The following SCAPER variants were observed in gnomAD, a reference collection of about 807,000 sequenced individuals.
SCAPER encodes the protein S-phase cyclin A associated protein in the ER.
In SCAPER, 98 loss-of-function variants were observed where a neutral mutation model predicts 182.2. The ratio of observed to expected loss-of-function variants is 0.54; its 90% CI spans 0.46 to 0.64. SCAPER has a LOEUF of 0.64. SCAPER is among the 30% of genes least tolerant of loss of function. The probability of loss-of-function intolerance (pLI) is 0.00; values close to 1 mark genes in which losing one functional copy is unlikely to be tolerated. For missense variants in SCAPER, 1,432 were observed against 1,690.0 expected (o/e 0.85, Z 2.68); for synonymous variants, 605 against 564.6 (o/e 1.07, Z -1.01).
chr15:76,864,137 A>T (rs1268090572), intron 2 of SCAPER, among the ~76,000 whole-genome samples: 1 of 152,168 alleles, frequency 6.6e-6, no homozygotes, highest in Non-Finnish European at 1.5e-5. Flanking sequence ...CCTAACACAC[A>T]ATATACACAC....
chr15:76,680,187 G>T (rs984103361), intron 20 of SCAPER, among the ~76,000 whole-genome samples: 1 of 152,062 alleles, frequency 6.6e-6, no homozygotes, highest in Admixed American at 6.5e-5. Context: ...GGGCTTGAGG[G>T]TGTCAGCAGC....
intron 23 of SCAPER, among the ~76,000 whole-genome samples, chr15:76,564,845 G>C (rs1030575077): frequency 1.2e-4 from 19 of 152,034 alleles, no homozygotes; most frequent in African/African-American, 4.8e-5. Context: ...GAACAGAATA[G>C]AGAGCCCAGA....
intron 11 of SCAPER, among the ~76,000 whole-genome samples, chr15:76,765,904 A>G (rs953291304): frequency 7.9e-5 from 12 of 152,220 alleles, no homozygotes; most frequent in Non-Finnish European, 1.2e-4. Context: ...TTATCCTATT[A>G]CTACATAAAT....
At chr15:76,838,352 T>A (rs192432192) in intron 5 of SCAPER, among the ~76,000 whole-genome samples, 39 of 152,102 alleles carry the variant, frequency 2.6e-4, no homozygotes, top group African/African-American at 8.0e-4. Context: ...AAAGATTGAG[T>A]ACGCACAGAA....
intron 16 of SCAPER, among the ~76,000 whole-genome samples, chr15:76,730,170 T>C (rs2060834670): frequency 6.6e-6 from 1 of 152,138 alleles, no homozygotes; most frequent in South Asian, 2.1e-4. Context: ...AAGAGAGATT[T>C]GAACATTTCT....
chr15:76,752,658 G>C (rs919768063), intron 15 of SCAPER, among the ~76,000 whole-genome samples: 1 of 151,696 alleles, frequency 6.6e-6, no homozygotes, highest in Non-Finnish European at 1.5e-5. Context: ...CCATTTACAA[G>C]AGGTACTTAC....
chr15:76,615,864 G>A (rs1481827207), intron 22 of SCAPER, among the ~76,000 whole-genome samples: 6 of 148,360 alleles, frequency 4.0e-5, no homozygotes, highest in African/African-American at 5.0e-5. Context: ...AAAAGCACAC[G>A]AAAAGATGTC....
chr15:76,681,431 G>C (rs1227644692), intron 20 of SCAPER, among the ~76,000 whole-genome samples: 1 of 152,200 alleles, frequency 6.6e-6, no homozygotes, highest in Non-Finnish European at 1.5e-5. Context: ...TAAGACCAAA[G>C]GGGATACAAA....
Position 76,354,636 on chromosome 15 carries a change from T to A in SCAPER, c.3856-496A>T, listed in dbSNP as rs1300545075. The A allele has an allele frequency of 6.6e-6, 1 of 152,258 alleles. No individual in the cohort carries two copies. The highest frequency in any genetic ancestry group is 1.5e-5 in the Non-Finnish European group (1 of 68,106). 9.4% of individuals were successfully genotyped at this position (152,258 alleles called of 1,614,324 possible). Reference sequence around the variant, plus strand: ...GCAGGTCCAAGAAAGAAAAGGTAATTCTAAGGAAAATGGGAACAGTTTCAA... The same window carrying A: ...GCAGGTCCAAGAAAGAAAAGGTAATACTAAGGAAAATGGGAACAGTTTCAA... On this transcript the variant is annotated intron_variant, in intron 29 of 31. Transcript: ENST00000563290. This position sits in a 1 kb window ranked among gnomAD's most constrained non-coding sequence, Gnocchi z 4.4.
At position 76,765,063 on chromosome 15, in the gene SCAPER, T is replaced by C. The variant is rs1369317856; in HGVS notation, c.1623A>G (p.Ala541=). The change falls in exon 14 of 32, where the codon GCA becomes GCG. Residue 541 remains alanine (A), a synonymous_variant. Transcript: ENST00000563290. ...TTTCTTCATGTTTCTTCTTAGATTC[T>C]GCAATTGTTCTATTAATACAAACAA... ...LSSPSRKRTI[A]ESKKKHEEKQ... 2 of 1,576,152 alleles carry C rather than the reference T, an allele frequency of 1.3e-6. No homozygotes were observed. Among genetic ancestry groups the C allele is most frequent in the South Asian group, 1.2e-5 (1 of 86,516 alleles).
At chr15:76,765,707 T>C in intron 11 of SCAPER, 69 bp from the exon 12 acceptor site, 2 of 1,238,702 alleles carry the variant, frequency 1.6e-6, no homozygotes, top group South Asian at 2.6e-5. Context: ...AAATGAACTA[T>C]ACATGAAAAT....
At chr15:76,565,988 T>G (rs2047007782) in intron 23 of SCAPER, among the ~76,000 whole-genome samples, 1 of 152,148 alleles carries the variant, frequency 6.6e-6, no homozygotes, top group Non-Finnish European at 1.5e-5. Context: ...TAGTGTTGAA[T>G]GCTTCCCATT....
chr15:76,675,978 C>T (rs2057349570), intron 20 of SCAPER, among the ~76,000 whole-genome samples: 1 of 152,136 alleles, frequency 6.6e-6, no homozygotes, highest in South Asian at 2.1e-4. Context: ...GCGCCCGCCA[C>T]CATGCCTGGC....
At chr15:76,850,838 C>T (rs188897005) in intron 4 of SCAPER, among the ~76,000 whole-genome samples, 29 of 125,538 alleles carry the variant, frequency 2.3e-4, no homozygotes, top group African/African-American at 8.1e-4. Flanking sequence ...CCAGCCTGGG[C>T]GAAAGAGCAA....
intron 24 of SCAPER, among the ~76,000 whole-genome samples, chr15:76,503,164 A>C (rs1355174620): frequency 1.3e-5 from 2 of 152,248 alleles, no homozygotes; most frequent in Non-Finnish European, 2.9e-5. Flanking sequence ...CTCCCAAAGA[A>C]TCAATATCAT....
chr15:76,722,312 T>G (rs2060295159), intron 17 of SCAPER, among the ~76,000 whole-genome samples: 1 of 152,210 alleles, frequency 6.6e-6, no homozygotes, highest in African/African-American at 2.4e-5. Flanking sequence ...TTCGATGTGT[T>G]GCTGGATTCG....
intron 5 of SCAPER, among the ~76,000 whole-genome samples, chr15:76,831,381 C>A (rs749178602): frequency 6.6e-6 from 1 of 151,986 alleles, no homozygotes; most frequent in Non-Finnish European, 1.5e-5. Flanking sequence ...ATAACTCTTT[C>A]CCAGCCCCCA....
At chr15:76,770,270 G>A (rs1483845358) in intron 10 of SCAPER, among the ~76,000 whole-genome samples, 1 of 151,782 alleles carries the variant, frequency 6.6e-6, no homozygotes, top group African/African-American at 2.4e-5. Flanking sequence ...GAGTTGATGG[G>A]TGCAGCAAAC....
At chr15:76,608,986 C>T (rs1013726519) in intron 22 of SCAPER, among the ~76,000 whole-genome samples, 2 of 152,176 alleles carry the variant, frequency 1.3e-5, no homozygotes, top group African/African-American at 2.4e-5. Context: ...TGAGGCGATG[C>T]CTCGCCCTGC....
Sources: allele counts gnomAD v4.1 joint callset (sites outside exome capture counted in the v4.1 genomes callset), GRCh38; gene constraint gnomAD v4.1.1; non-coding constraint Gnocchi (gnomAD v3.1); transcripts MANE v1.5; gene names NCBI Gene and HGNC (gene_info 2026-07-23, HGNC 2026-07-21).